Variants in CDC42BPA observed in about 807,000 individuals in gnomAD.
The protein encoded by CDC42BPA is serine/threonine-protein kinase MRCK alpha.
CDC42BPA carries 80 observed loss-of-function variants against 223.5 expected under a neutral mutation model. The observed-to-expected ratio is 0.36, with a 90% CI of 0.30 to 0.43. The LOEUF is 0.43. CDC42BPA is among the 20% of genes least tolerant of loss of function. The pLI, the probability that CDC42BPA is intolerant of heterozygous loss-of-function variation, is 1.00. For missense variants in CDC42BPA, 1,743 were observed against 2,099.9 expected, an observed-to-expected ratio of 0.83 and a Z score of 3.32; for synonymous variants, 694 against 718.6, an observed-to-expected ratio of 0.97 and a Z score of 0.55.
chr1:227,016,912 A>G lies in CDC42BPA; in HGVS notation c.4739+15T>C, dbSNP rs764892682. On this transcript the variant is annotated intron_variant, in intron 33 of 36. Coordinates refer to ENST00000366766, the MANE Select transcript of CDC42BPA (RefSeq NM_001394014.1). ...TACAAGCAAGCATGGATGATACTAC[A>G]GGTTAAGTATCTACCTCCTCTGCTG... The G allele has an allele frequency of 8.7e-6, 14 of 1,606,142 alleles. No homozygotes were observed. The South Asian group carries it at 1.6e-4, about 18-fold the overall frequency.
At chr1:227,264,372 T>C (rs1417438257) in intron 1 of CDC42BPA, among the ~76,000 whole-genome samples, 3 of 151,450 alleles carry the variant, frequency 2.0e-5, no homozygotes, top group Non-Finnish European at 4.4e-5. Context: ...TTATTGTCCA[T>C]GTCCCTCAGG....
At chr1:227,316,917 G>A in intron 1 of CDC42BPA, 88 bp downstream of exon 1, 1 of 932,712 alleles carries the variant, frequency 1.1e-6, no homozygotes, top group Non-Finnish European at 1.6e-6. Context: ...TCTTTGAACG[G>A]AGTAGAGTTT....
chr1:227,183,039 A>G (rs1481342813), intron 5 of CDC42BPA: 1 of 152,188 alleles, frequency 6.6e-6, no homozygotes, highest in Non-Finnish European at 1.5e-5. Context: ...CTGAGCCATT[A>G]CTGGCTTCTC....
chr1:227,005,475 T>G (rs996852035), intron 34 of CDC42BPA, among the ~76,000 whole-genome samples: 2 of 152,238 alleles, frequency 1.3e-5, no homozygotes, highest in African/African-American at 4.8e-5. Flanking sequence ...TATGACATTT[T>G]TATTTGCTTA....
chr1:227,178,414 C>T (rs1183865133), intron 5 of CDC42BPA: 3 of 153,236 alleles, frequency 2.0e-5, no homozygotes, highest in Non-Finnish European at 4.4e-5. Flanking sequence ...GATTGTGAGG[C>T]TTCTCCAGCC....
At chr1:227,061,911 T>G (rs1357594694) in intron 21 of CDC42BPA, among the ~76,000 whole-genome samples, 1 of 152,178 alleles carries the variant, frequency 6.6e-6, no homozygotes, top group Non-Finnish European at 1.5e-5. Context: ...TCCTCTTCCT[T>G]AAACTCCTGA....
rs573375850 is a variant in CDC42BPA at position 227,238,713 on chromosome 1, A to T, written c.270+15351T>A. Reference sequence around the variant, plus strand: ...TAAGAAAGCTGGCTATACTGAGGCAAATCAGACTATGACAACGAGTACTAC... The same window carrying T: ...TAAGAAAGCTGGCTATACTGAGGCATATCAGACTATGACAACGAGTACTAC... On this transcript the variant is annotated intron_variant, in intron 2 of 36. Coordinates refer to ENST00000366766, the MANE Select transcript of CDC42BPA (RefSeq NM_001394014.1). Among the ~76,000 whole-genome samples the T allele has an allele frequency of 1.7e-3, 257 of 152,360 alleles. 3 individuals carry two copies. The highest frequency in any genetic ancestry group is 5.4e-3 in the African/African-American group (223 of 41,588).
At chr1:227,280,402 A>G (rs768445119) in intron 1 of CDC42BPA, among the ~76,000 whole-genome samples, 1 of 152,254 alleles carries the variant, frequency 6.6e-6, no homozygotes, top group Admixed American at 6.5e-5. Flanking sequence ...CCATGGGAAC[A>G]TATGAGATGG....
At position 227,116,650 on chromosome 1, in the gene CDC42BPA, T is replaced by C. The variant is rs150793976; in HGVS notation, c.1647+3154A>G. 3.7e-3 allele frequency among the ~76,000 whole-genome samples: 560 copies of C among 152,282 alleles called. 3 individuals are homozygous for C. The highest frequency in any genetic ancestry group is 0.012 in the African/African-American group (511 of 41,570). ...AGAACTTTAAATATATGGAGAGATA[T>C]CATGTTTACAAATAAAAAGACTTTA... On this transcript the variant is annotated intron_variant, in intron 12 of 36. Coordinates refer to ENST00000366766, the MANE Select transcript of CDC42BPA (RefSeq NM_001394014.1).
In CDC42BPA at chr1:227,016,908, C is replaced by T; in HGVS notation, c.4739+19G>A. 1 of 1,605,336 alleles carries T rather than the reference C, an allele frequency of 6.2e-7. No homozygotes were observed. The highest frequency in any genetic ancestry group is 8.5e-7 in the Non-Finnish European group (1 of 1,176,232). On this transcript the variant is annotated intron_variant, in intron 33 of 36. Coordinates refer to ENST00000366766, the MANE Select transcript of CDC42BPA (RefSeq NM_001394014.1). Reference sequence around the variant, plus strand: ...ATGGTACAAGCAAGCATGGATGATACTACAGGTTAAGTATCTACCTCCTCT... The same window carrying T: ...ATGGTACAAGCAAGCATGGATGATATTACAGGTTAAGTATCTACCTCCTCT...
chr1:227,028,190 T>G (rs1234293491), intron 30 of CDC42BPA, among the ~76,000 whole-genome samples: 2 of 151,994 alleles, frequency 1.3e-5, no homozygotes, highest in African/African-American at 2.4e-5. Context: ...AATAAGCAAT[T>G]ATAAATATCT....
intron 34 of CDC42BPA, among the ~76,000 whole-genome samples, chr1:227,015,032 C>T (rs1044385189): frequency 1.3e-5 from 2 of 152,058 alleles, no homozygotes; most frequent in Non-Finnish European, 2.9e-5. Context: ...CATAGCTCCC[C>T]GCAGCCTCAA....
At chr1:227,089,556 C>G (rs1037594837) in intron 16 of CDC42BPA, among the ~76,000 whole-genome samples, 2 of 145,130 alleles carry the variant, frequency 1.4e-5, no homozygotes. Context: ...ATTTACCTAC[C>G]ATATGAATTT....
chr1:227,199,539 T>A lies in CDC42BPA; in HGVS notation c.450+18A>T. 7.4e-7 allele frequency: 1 copy of A among 1,359,812 alleles called. No homozygotes were observed. The highest frequency in any genetic ancestry group is 1.0e-6 in the Non-Finnish European group (1 of 954,424). The allele number at this position is 1,359,812 out of a possible 1,614,324, so 84.2% of individuals were successfully genotyped here. A position where few individuals can be genotyped will look rare whatever the true frequency, so the allele number is the denominator to read the frequency against. ...CCAACAAAAAAACAGTATATAGAAA[T>A]ACAAAAATGATTCTTACTAAGTTAT... On this transcript the variant is annotated intron_variant, in intron 4 of 36. Coordinates refer to ENST00000366766, the MANE Select transcript of CDC42BPA (RefSeq NM_001394014.1).
intron 1 of CDC42BPA, among the ~76,000 whole-genome samples, chr1:227,301,025 A>T (rs1304365447): frequency 6.6e-6 from 1 of 152,142 alleles, no homozygotes; most frequent in African/African-American, 2.4e-5. Context: ...CATTTACATC[A>T]TTTGTGTGAT....
intron 35 of CDC42BPA, 138 bp downstream of exon 35, chr1:227,004,856 C>T: frequency 1.3e-6 from 1 of 777,646 alleles, no homozygotes. Flanking sequence ...CATTACCCAG[C>T]AGGGTCTGAG....
chr1:226,994,297 T>C lies in CDC42BPA; in HGVS notation c.5236A>G (p.Ser1746Gly), dbSNP rs1471967854. Residue 1746 changes from serine (S) to glycine (G), a missense_variant, in exon 37 of 37, where the codon AGC becomes GGC. Physicochemically the swap from Ser to Gly is moderately conservative, Grantham distance 56. Coordinates refer to ENST00000366766, the MANE Select transcript of CDC42BPA (RefSeq NM_001394014.1). This position sits in a 1 kb window ranked among gnomAD's most constrained non-coding sequence, Gnocchi z 4.0. Reference protein sequence around the residue: ...PRKTKSLSLESTDRGSWDP With the variant: ...PRKTKSLSLEGTDRGSWDP ...GGGTCCCAGCTCCCGCGGTCAGTGC[T>C]CTCCAGGGAGAGGCTCTTGGTTTTT... The C allele has an allele frequency of 6.3e-7, 1 of 1,593,200 alleles. No homozygotes were observed. The highest frequency in any genetic ancestry group is 1.7e-5 in the Admixed American group (1 of 58,002).
rs562379347 is a variant in CDC42BPA at position 226,995,504 on chromosome 1, A to G, written c.4976-524T>C. On this transcript the variant is annotated intron_variant, in intron 35 of 36. Coordinates refer to ENST00000366766, the MANE Select transcript of CDC42BPA (RefSeq NM_001394014.1). ...GAGGAAGCTCGGTTGTACCATCCCG[A>G]GAGAGGCCATGCCACTCAATGAAGA... Among the ~76,000 whole-genome samples, 36 of 152,342 alleles carry G rather than the reference A, an allele frequency of 2.4e-4. No homozygotes were observed. The East Asian group carries it at 6.7e-3, about 29-fold the overall frequency.
chr1:227,028,077 A>C (rs557397897), intron 30 of CDC42BPA, among the ~76,000 whole-genome samples: 1 of 151,162 alleles, frequency 6.6e-6, no homozygotes, highest in Non-Finnish European at 1.5e-5. Flanking sequence ...CTGTGACGAT[A>C]CCACTGTACT....
Sources: gnomAD v4.1 joint callset for allele counts (sites outside exome capture counted in the v4.1 genomes callset) on GRCh38, gnomAD v4.1.1 for gene constraint, Gnocchi (gnomAD v3.1) non-coding constraint, MANE v1.5 for transcripts, NCBI Gene and HGNC (gene_info 2026-07-23, HGNC 2026-07-21) for gene names.